Variants in DISC1 observed in about 807,000 individuals in gnomAD.
The protein encoded by DISC1 is DISC1 scaffold protein, also known as disrupted in schizophrenia 1 protein.
Under a neutral mutation model 84.5 loss-of-function variants are expected in DISC1, and 57 were observed. The observed-to-expected ratio is 0.67, with a 90% CI of 0.55 to 0.84. The LOEUF is 0.84. DISC1 is among the 40% of genes least tolerant of loss of function. DISC1 has a pLI of 0.00. For missense variants in DISC1, 1,000 were observed against 1,057.8 expected (o/e 0.95, Z 0.76); for synonymous variants, 411 against 415.2 (o/e 0.99, Z 0.12).
intron 9 of DISC1, among the ~76,000 whole-genome samples, chr1:231,952,693 A>ATATATATATATATATATATATG (rs1658672762): frequency 3.3e-5 from 3 of 92,086 alleles, no homozygotes; most frequent in Admixed American, 2.8e-4. Flanking sequence ...ATATATGTTT[A>ATATATATATATATATATATATG]TATATATATA....
intron 3 of DISC1, among the ~76,000 whole-genome samples, chr1:231,736,296 A>T (rs771103205): frequency 7.2e-5 from 11 of 152,206 alleles, no homozygotes; most frequent in Non-Finnish European, 1.2e-4. Context: ...AGGGGAAGGT[A>T]CTGCTTTGGG....
chr1:231,712,724 C>T (rs560091515), intron 3 of DISC1, among the ~76,000 whole-genome samples: 1 of 152,304 alleles, frequency 6.6e-6, no homozygotes, highest in South Asian at 2.1e-4. Flanking sequence ...TAAGTACTGA[C>T]ATAGGCATGT....
At chr1:231,799,491 A>C (rs2079016777) in intron 7 of DISC1, among the ~76,000 whole-genome samples, 1 of 152,122 alleles carries the variant, frequency 6.6e-6, no homozygotes, top group South Asian at 2.1e-4. Context: ...GTATCATCTG[A>C]GAAGAAGCTG....
At chr1:231,718,436 CTTT>C (rs11294632) in intron 3 of DISC1, among the ~76,000 whole-genome samples, 47 of 119,634 alleles carry the variant, frequency 3.9e-4, no homozygotes, top group Admixed American at 5.8e-4. Flanking sequence ...CTTTCTCTCT[CTTT>C]TTTTTTTTTT....
At chr1:231,645,923 A>G (rs551027639) in intron 1 of DISC1, among the ~76,000 whole-genome samples, 2 of 150,780 alleles carry the variant, frequency 1.3e-5, no homozygotes, top group Non-Finnish European at 3.0e-5. Flanking sequence ...TAGAGATAAC[A>G]ATACTCACTT....
intron 10 of DISC1, among the ~76,000 whole-genome samples, chr1:231,966,865 A>G (rs543365790): frequency 6.6e-6 from 1 of 152,322 alleles, no homozygotes; most frequent in South Asian, 2.1e-4. Flanking sequence ...GTTTGCTTCC[A>G]GTGTGCATCA....
chr1:231,631,764 T>C (rs554611892), intron 1 of DISC1, among the ~76,000 whole-genome samples: 1 of 152,044 alleles, frequency 6.6e-6, no homozygotes, highest in South Asian at 2.1e-4. Flanking sequence ...AAAATTATTA[T>C]ATATAAAGTA....
chr1:231,772,210 C>T (rs937045333), intron 6 of DISC1, among the ~76,000 whole-genome samples: 7 of 152,258 alleles, frequency 4.6e-5, no homozygotes, highest in East Asian at 1.9e-4. Context: ...CCTGCCTTAG[C>T]GTCCTGAAGT....
chr1:232,021,660 T>C (rs1048631646), intron 11 of DISC1, among the ~76,000 whole-genome samples: 4 of 152,210 alleles, frequency 2.6e-5, no homozygotes, highest in African/African-American at 9.7e-5. Flanking sequence ...TATCCACTCA[T>C]GCGAGGTTCT....
chr1:231,984,417 A>T (rs773065222), intron 10 of DISC1, among the ~76,000 whole-genome samples: 2 of 152,140 alleles, frequency 1.3e-5, no homozygotes, highest in African/African-American at 4.8e-5. Flanking sequence ...AGAGGGGGAA[A>T]GTTCAAAAAT....
intron 3 of DISC1, among the ~76,000 whole-genome samples, chr1:231,749,273 C>T (rs1435922216): frequency 6.6e-6 from 1 of 152,214 alleles, no homozygotes; most frequent in East Asian, 1.9e-4. Flanking sequence ...CATCTCTAAT[C>T]AACCATCTGC....
rs961609229 is a variant in DISC1 at position 231,954,921 on chromosome 1, C to T, written c.1982-3907C>T. Among the ~76,000 whole-genome samples the T allele has an allele frequency of 2.0e-5, 3 of 152,182 alleles. No individual in the cohort carries two copies. The highest frequency in any genetic ancestry group is 4.4e-5 in the Non-Finnish European group (3 of 68,038). On this transcript the variant is annotated intron_variant, in intron 9 of 12. Coordinates refer to ENST00000439617, the MANE Select transcript of DISC1 (RefSeq NM_018662.3). This position sits in a 1 kb window ranked among gnomAD's most constrained non-coding sequence, Gnocchi z 4.8. ...AGTAATAGTTCAACATAGCATTCTCCTTAGATGGCAGCCTCCAGGCAAGAA... is the reference window on the plus strand; with the variant it reads ...AGTAATAGTTCAACATAGCATTCTCTTTAGATGGCAGCCTCCAGGCAAGAA...
intron 1 of DISC1, among the ~76,000 whole-genome samples, chr1:231,676,074 C>G (rs890988459): frequency 7.9e-5 from 12 of 152,202 alleles, no homozygotes; most frequent in Admixed American, 7.2e-4. Flanking sequence ...GTCTCAAACT[C>G]CTGACCTGAT....
intron 9 of DISC1, chr1:231,943,753 T>G (rs1450112507): frequency 6.6e-6 from 1 of 151,324 alleles, no homozygotes; most frequent in Non-Finnish European, 1.5e-5. Flanking sequence ...AGACAGGGTC[T>G]CGCTGTGTCA....
At chr1:231,788,789 TC>T (rs1211741711) in intron 6 of DISC1, among the ~76,000 whole-genome samples, 2 of 152,130 alleles carry the variant, frequency 1.3e-5, no homozygotes, top group Non-Finnish European at 2.9e-5. Context: ...TAATCCCTGA[TC>T]CTGAGGGGGC....
chr1:232,002,875 A>G (rs1666893539), intron 10 of DISC1, among the ~76,000 whole-genome samples: 1 of 152,130 alleles, frequency 6.6e-6, no homozygotes, highest in South Asian at 2.1e-4. Context: ...TGATAAAATC[A>G]CATAAAACTA....
chr1:231,805,718 C>T (rs2079653758), intron 8 of DISC1, among the ~76,000 whole-genome samples: 1 of 152,098 alleles, frequency 6.6e-6, no homozygotes, highest in Admixed American at 6.6e-5. Context: ...ATCCAATCAC[C>T]TTCCACCGGG....
intron 9 of DISC1, among the ~76,000 whole-genome samples, chr1:231,885,631 A>G (rs1456415735): frequency 1.3e-5 from 2 of 152,122 alleles, no homozygotes; most frequent in African/African-American, 2.4e-5. Flanking sequence ...GTCTGGGATT[A>G]TGTCTGTGGT....
intron 9 of DISC1, among the ~76,000 whole-genome samples, chr1:231,907,870 A>G (rs1055106828): frequency 6.6e-6 from 1 of 152,172 alleles, no homozygotes; most frequent in African/African-American, 2.4e-5. Flanking sequence ...CGCCATTCTA[A>G]CTGGTATGAG....
Sources: gnomAD v4.1 joint callset for allele counts (sites outside exome capture counted in the v4.1 genomes callset) on GRCh38, gnomAD v4.1.1 for gene constraint, Gnocchi (gnomAD v3.1) non-coding constraint, MANE v1.5 for transcripts, NCBI Gene and HGNC (gene_info 2026-07-23, HGNC 2026-07-21) for gene names.